CCDC144A: variants seen among roughly 807,000 people sequenced by gnomAD.
CCDC144A encodes the protein coiled-coil domain-containing protein 144A.
CCDC144A carries 41 observed loss-of-function variants against 143.8 expected under a neutral mutation model. The observed-to-expected ratio is 0.29, with a 90% CI of 0.22 to 0.37. The LOEUF is 0.37. Among genes scored for constraint, CCDC144A ranks in the 10% least tolerant of loss-of-function variants. The probability of loss-of-function intolerance (pLI) is 1.00; values close to 1 mark genes in which losing one functional copy is unlikely to be tolerated. For synonymous variants in CCDC144A, 242 were observed against 517.9 expected, an observed-to-expected ratio of 0.47 and a Z score of 7.23; for missense variants, 637 against 1,488.8, an observed-to-expected ratio of 0.43 and a Z score of 9.41.
chr17:16,729,144 A>T (rs1009200805), intron 9 of CCDC144A, among the ~76,000 whole-genome samples: 1 of 152,142 alleles, frequency 6.6e-6, no homozygotes, highest in African/African-American at 2.4e-5. Flanking sequence ...GCTCTATTTT[A>T]GTTGTTTGAG....
At chr17:16,744,539 C>T (rs2543786) in intron 12 of CCDC144A, among the ~76,000 whole-genome samples, 14,314 of 151,810 alleles carry the variant, frequency 0.094, 890 homozygotes, top group Non-Finnish European at 0.13. Flanking sequence ...GTATTTTGCC[C>T]GCTTTTATAT....
In CCDC144A at chr17:16,693,390, C is replaced by T. The variant is rs1487889490; in HGVS notation, c.415+341C>T. Reference sequence around the variant, plus strand: ...GGAGTGCAGTGGTGCGATCTCGGCTCACTGCAGGCTCCACCCCCTGGTTCA... The same window carrying T: ...GGAGTGCAGTGGTGCGATCTCGGCTTACTGCAGGCTCCACCCCCTGGTTCA... On this transcript the variant is annotated intron_variant, in intron 2 of 16. Transcript: ENST00000399273. Among the ~76,000 whole-genome samples, 5 of 151,412 alleles carry T rather than the reference C, an allele frequency of 3.3e-5. 1 individual carries two copies. The highest frequency in any genetic ancestry group is 7.4e-5 in the Non-Finnish European group (5 of 67,954).
intron 8 of CCDC144A, among the ~76,000 whole-genome samples, chr17:16,725,659 T>A (rs1913375668): frequency 6.6e-6 from 1 of 150,622 alleles, no homozygotes; most frequent in Admixed American, 6.6e-5. Context: ...GACAAAAGAC[T>A]ACGGATTGGA....
At chr17:16,742,212 C>A (rs893875127) in intron 12 of CCDC144A, among the ~76,000 whole-genome samples, 1 of 152,138 alleles carries the variant, frequency 6.6e-6, no homozygotes, top group African/African-American at 2.4e-5. Context: ...TCTTCTACTC[C>A]CCTTTACCTT....
chr17:16,734,408 C>T (rs1385774039), intron 11 of CCDC144A, among the ~76,000 whole-genome samples: 1 of 152,060 alleles, frequency 6.6e-6, no homozygotes, highest in Non-Finnish European at 1.5e-5. Flanking sequence ...TCTTTAATGC[C>T]TTTGAGTTTG....
rs550859021 is a variant in CCDC144A at position 16,747,384 on chromosome 17, C to T, written c.3372+11741C>T. ...GCTTGGTTCTCTTTGCTTAGGATGGCTCTGGGTGTTTGGGCTCTTTTCTGG... is the reference window on the plus strand; with the variant it reads ...GCTTGGTTCTCTTTGCTTAGGATGGTTCTGGGTGTTTGGGCTCTTTTCTGG... On this transcript the variant is annotated intron_variant, in intron 12 of 16. Coordinates refer to ENST00000399273, the MANE Select transcript of CCDC144A (RefSeq NM_001382000.1). 4.3e-3 allele frequency among the ~76,000 whole-genome samples: 649 copies of T among 152,254 alleles called. 3 individuals are homozygous for T. The highest frequency in any genetic ancestry group is 0.01 in the Admixed American group (153 of 15,298).
chr17:16,741,662 G>A (rs192502315), intron 12 of CCDC144A, among the ~76,000 whole-genome samples: 9 of 151,916 alleles, frequency 5.9e-5, no homozygotes, highest in Middle Eastern at 6.8e-3. Context: ...TACCCAGGCC[G>A]GCCTTGACCT....
At chr17:16,686,565 G>T (rs1910788514), upstream of CCDC144A, among the ~76,000 whole-genome samples, 1 of 151,886 alleles carries the variant, frequency 6.6e-6, no homozygotes, top group Admixed American at 6.6e-5. Context: ...CAGCACTTTG[G>T]GAGGCTGAGA....
rs780907177 is a variant in CCDC144A, at chr17:16,707,486, C to G, written c.682C>G (p.Leu228Val). Residue 228 changes from leucine to valine, a missense_variant, in exon 4 of 17, where the codon CTG (leucine) becomes GTG (valine). Transcript: ENST00000399273. ...ESKEAEQDSE[L>V]TSEEEQERLK... Reference sequence around the variant, plus strand: ...TTTTGCAGCAGAACAAGACTCGGAGCTGACATCAGAGGAAGAGCAAGAAAG... The same window carrying G: ...TTTTGCAGCAGAACAAGACTCGGAGGTGACATCAGAGGAAGAGCAAGAAAG... The G allele has an allele frequency of 1.2e-6, 2 of 1,607,370 alleles. No individual in the cohort carries two copies. The highest frequency in any genetic ancestry group is 1.7e-6 in the Non-Finnish European group (2 of 1,177,760).
intron 9 of CCDC144A, 180 bp from the exon 10 acceptor site, chr17:16,731,620 T>C (rs572196883): frequency 6.1e-4 from 79 of 129,386 alleles, no homozygotes; most frequent in African/African-American, 2.3e-3. Context: ...ACCTCTCAAA[T>C]ATATATGTCC....
chr17:16,750,364 A>G (rs1444337960), intron 12 of CCDC144A, among the ~76,000 whole-genome samples: 1 of 150,490 alleles, frequency 6.6e-6, no homozygotes, highest in African/African-American at 2.5e-5. Flanking sequence ...TTGGAGTGGT[A>G]TGAAGTTCTT....
chr17:16,682,899 T>TG, the CCDC144A span, among the ~76,000 whole-genome samples: 23 of 118,474 alleles, frequency 1.9e-4, no homozygotes, highest in East Asian at 3.3e-3. Flanking sequence ...TTTTTTTTTT[T>TG]TTTTTTTTTT....
chr17:16,693,282 C>G (rs1314309145), intron 2 of CCDC144A, among the ~76,000 whole-genome samples: 1 of 151,590 alleles, frequency 6.6e-6, no homozygotes, highest in Non-Finnish European at 1.5e-5. Context: ...TCCCTAAAAT[C>G]CTATGTGATA....
At chr17:16,706,323 A>G (rs1912056743) in intron 3 of CCDC144A, 1 of 145,134 alleles carries the variant, frequency 6.9e-6, no homozygotes, top group South Asian at 2.3e-4. Context: ...CAATGCAAAT[A>G]AGACCAGGGA....
chr17:16,761,099 G>T (rs1429827359), intron 12 of CCDC144A, among the ~76,000 whole-genome samples: 1 of 151,312 alleles, frequency 6.6e-6, no homozygotes, highest in Non-Finnish European at 1.5e-5. Context: ...AGGCCGAGGC[G>T]AGTGGATCAT....
At chr17:16,728,179 G>A (rs1484163720) in intron 9 of CCDC144A, among the ~76,000 whole-genome samples, 5 of 152,108 alleles carry the variant, frequency 3.3e-5, no homozygotes, top group Non-Finnish European at 5.9e-5. Context: ...GGGACTCCAG[G>A]TGCACATTCT....
upstream of CCDC144A, among the ~76,000 whole-genome samples, chr17:16,688,808 T>C (rs1910885001): frequency 1.3e-5 from 2 of 152,108 alleles, no homozygotes; most frequent in African/African-American, 4.8e-5. Flanking sequence ...TGTAAATGAT[T>C]GCTTCCTTAC....
chr17:16,714,961 C>G (rs1212789147), intron 6 of CCDC144A, among the ~76,000 whole-genome samples: 2 of 152,210 alleles, frequency 1.3e-5, no homozygotes, highest in African/African-American at 4.8e-5. Context: ...GTCTGGGATG[C>G]CTTTTCCTCA....
At chr17:16,667,311 G>GC in the CCDC144A span, among the ~76,000 whole-genome samples, 13 of 127,874 alleles carry the variant, frequency 1.0e-4, no homozygotes, top group Admixed American at 8.1e-4. Context: ...GGCGGCTGAG[G>GC]GGCTGAGGAG....
Sources: allele counts gnomAD v4.1 joint callset (sites outside exome capture counted in the v4.1 genomes callset), GRCh38; gene constraint gnomAD v4.1.1; transcripts MANE v1.5; gene names NCBI Gene and HGNC (gene_info 2026-07-23, HGNC 2026-07-21).